The following MEGF11 variants were observed in gnomAD, a reference collection of about 807,000 sequenced individuals.
MEGF11 encodes the protein multiple epidermal growth factor-like domains protein 11.
Under a neutral mutation model 146.6 loss-of-function variants are expected in MEGF11, and 126 were observed. That is an observed-to-expected ratio of 0.86 (90% confidence interval 0.74 to 1.00). The LOEUF (loss-of-function observed/expected upper bound fraction) is 1.00. MEGF11 is among the 50% of genes least tolerant of loss of function. The probability of loss-of-function intolerance (pLI) is 0.00; values close to 1 mark genes in which losing one functional copy is unlikely to be tolerated. For missense variants in MEGF11, 1,509 were observed against 1,521.2 expected (o/e 0.99, Z 0.13); for synonymous variants, 532 against 583.4 (o/e 0.91, Z 1.27).
Position 65,929,817 on chromosome 15 carries a change from C to T in MEGF11, c.1475G>A (p.Ser492Asn), listed in dbSNP as rs1471135429. 8 of 1,584,004 alleles carry T rather than the reference C, an allele frequency of 5.1e-6. No individual in the cohort carries two copies. Among genetic ancestry groups the T allele is most frequent in the Non-Finnish European group, 3.4e-6 (4 of 1,165,252 alleles). ...SGTWGLNCNESCTCANGAACS... is the reference protein window; with the variant it reads ...SGTWGLNCNENCTCANGAACS... ...GGCTGCCCCATTGGCACAGGTGCAGCTCTCGTTGCAGTTCAGGCCCCACGT... is the reference window on the plus strand; with the variant it reads ...GGCTGCCCCATTGGCACAGGTGCAGTTCTCGTTGCAGTTCAGGCCCCACGT... Residue 492 changes from serine (S) to asparagine (N), a missense_variant, in exon 12 of 26, where the codon AGC becomes AAC. Transcript: ENST00000395614.
intron 4 of MEGF11, among the ~76,000 whole-genome samples, chr15:66,114,203 T>G (rs534676459): frequency 8.5e-5 from 13 of 152,350 alleles, no homozygotes; most frequent in African/African-American, 2.9e-4. Flanking sequence ...GGACTTGTGA[T>G]AGCAACTAAT....
chr15:66,180,765 T>A (rs1446933699), intron 1 of MEGF11, among the ~76,000 whole-genome samples: 1 of 152,210 alleles, frequency 6.6e-6, no homozygotes, highest in East Asian at 1.9e-4. Flanking sequence ...TTCTGGAGCA[T>A]GTAGCATGAG....
chr15:66,053,606 C>T (rs2084542524), intron 5 of MEGF11, among the ~76,000 whole-genome samples: 1 of 152,004 alleles, frequency 6.6e-6, no homozygotes, highest in African/African-American at 2.4e-5. Context: ...GGCCCAGACC[C>T]CTGCTCATGG....
chr15:66,171,753 G>A (rs1047069752), intron 1 of MEGF11, among the ~76,000 whole-genome samples: 4 of 145,716 alleles, frequency 2.7e-5, no homozygotes, highest in Non-Finnish European at 6.0e-5. Context: ...ACTACCATGC[G>A]CATTTTCCTC....
At chr15:66,013,252 C>T (rs1188314861) in intron 5 of MEGF11, among the ~76,000 whole-genome samples, 1 of 152,194 alleles carries the variant, frequency 6.6e-6, no homozygotes, top group Non-Finnish European at 1.5e-5. Flanking sequence ...TGTCAGTACC[C>T]AAGTGGCCTT....
At chr15:66,175,405 A>G (rs2090366297) in intron 1 of MEGF11, among the ~76,000 whole-genome samples, 1 of 152,188 alleles carries the variant, frequency 6.6e-6, no homozygotes, top group Non-Finnish European at 1.5e-5. Flanking sequence ...GCACCACACT[A>G]CCTGACTTCA....
chr15:66,040,601 G>T (rs1447437971), intron 5 of MEGF11, among the ~76,000 whole-genome samples: 1 of 152,172 alleles, frequency 6.6e-6, no homozygotes, highest in African/African-American at 2.4e-5. Flanking sequence ...GAAGGTTCAT[G>T]CCAAGGGCTG....
intron 5 of MEGF11, among the ~76,000 whole-genome samples, chr15:66,018,623 ATG>A (rs1238302774): frequency 6.6e-6 from 1 of 152,080 alleles, no homozygotes; most frequent in Non-Finnish European, 1.5e-5. Flanking sequence ...TGGTGAGCGC[ATG>A]TGTGAGTGTG....
intron 1 of MEGF11, among the ~76,000 whole-genome samples, chr15:66,248,410 C>A (rs1382823546): frequency 2.6e-5 from 4 of 152,202 alleles, no homozygotes; most frequent in African/African-American, 9.7e-5. Flanking sequence ...ACAATGGATA[C>A]CTGAGCTAAC....
At chr15:66,061,014 A>G (rs891698414) in intron 5 of MEGF11, among the ~76,000 whole-genome samples, 2 of 152,188 alleles carry the variant, frequency 1.3e-5, no homozygotes, top group African/African-American at 4.8e-5. Context: ...AGGGGCAGGG[A>G]TTCCCCAGCT....
intron 1 of MEGF11, among the ~76,000 whole-genome samples, chr15:66,137,290 C>A (rs2088928904): frequency 1.3e-5 from 2 of 152,170 alleles, no homozygotes; most frequent in African/African-American, 4.8e-5. Context: ...AGAGCATTAT[C>A]ATCACTATAG....
At chr15:66,190,805 C>A (rs1392894811) in intron 1 of MEGF11, among the ~76,000 whole-genome samples, 1 of 152,156 alleles carries the variant, frequency 6.6e-6, no homozygotes. Context: ...GCTTCAATTT[C>A]CTTTTTATTA....
chr15:66,163,644 A>G (rs2090014826), intron 1 of MEGF11, among the ~76,000 whole-genome samples: 1 of 152,106 alleles, frequency 6.6e-6, no homozygotes, highest in Admixed American at 6.5e-5. Context: ...CCTGCCAGAA[A>G]CTCCAGGTGG....
intron 5 of MEGF11, among the ~76,000 whole-genome samples, chr15:66,003,333 T>C (rs1398051772): frequency 2.6e-5 from 4 of 152,136 alleles, no homozygotes; most frequent in Non-Finnish European, 5.9e-5. Context: ...TGAACCACAG[T>C]CCTAGACATC....
intron 15 of MEGF11, chr15:65,921,690 G>A (rs748193940): frequency 1.3e-5 from 2 of 152,370 alleles, no homozygotes; most frequent in African/African-American, 2.4e-5. Flanking sequence ...AAAATCAGCC[G>A]TGGTAGGAAT....
intron 3 of MEGF11, among the ~76,000 whole-genome samples, chr15:66,122,079 A>G (rs897158270): frequency 3.9e-5 from 6 of 152,180 alleles, no homozygotes; most frequent in Non-Finnish European, 2.9e-5. Flanking sequence ...CCTGGCCAAT[A>G]TGGCGAAACC....
At position 65,895,582 on chromosome 15, in the gene MEGF11, A is replaced by G. The variant is rs2078345320; in HGVS notation, c.*2352T>C. 1 of 152,652 alleles carries G rather than the reference A, an allele frequency of 6.6e-6. No homozygotes were observed. Among genetic ancestry groups the G allele is most frequent in the Non-Finnish European group, 1.5e-5 (1 of 68,050 alleles). 9.5% of individuals were successfully genotyped at this position (152,652 alleles called of 1,614,324 possible). ...ACCTATTTGTGATGGTGTTAGACAG[A>G]AGTTTCTAACAGTTGCTTTGTAAGA... On this transcript the variant is annotated 3_prime_UTR_variant, in exon 26 of 26. Transcript: ENST00000395614.
chr15:66,125,031 T>C (rs569763740), intron 2 of MEGF11, among the ~76,000 whole-genome samples: 5 of 152,344 alleles, frequency 3.3e-5, no homozygotes, highest in Admixed American at 6.5e-5. Context: ...GGAAACTGCA[T>C]TGGTTACCTT....
At chr15:65,986,793 CTTTTTTTTTTTTT>C (rs34991788) in intron 5 of MEGF11, among the ~76,000 whole-genome samples, 10 of 121,332 alleles carry the variant, frequency 8.2e-5, no homozygotes, top group Non-Finnish European at 1.7e-5. Flanking sequence ...CTGATTTTTC[CTTTTTTTTTTTTT>C]TTTTTTTTGA....
Sources: allele counts gnomAD v4.1 joint callset (sites outside exome capture counted in the v4.1 genomes callset), GRCh38; gene constraint gnomAD v4.1.1; transcripts MANE v1.5; gene names NCBI Gene and HGNC (gene_info 2026-07-23, HGNC 2026-07-21).